The following UTRN variants were observed in gnomAD, a reference collection of about 807,000 sequenced individuals.
UTRN encodes utrophin.
A neutral mutation model predicts 463.9 loss-of-function variants in UTRN; 283 were observed. The observed-to-expected ratio is 0.61, with a 90% CI of 0.55 to 0.67. The LOEUF (loss-of-function observed/expected upper bound fraction) is 0.67. Ranked by LOEUF, UTRN falls within the 30% of genes least tolerant of loss-of-function variation. UTRN has a pLI of 0.00. For missense variants in UTRN, 3,922 were observed against 4,084.3 expected (o/e 0.96, Z 1.08); for synonymous variants, 1,442 against 1,431.5 (o/e 1.01, Z -0.17).
intron 51 of UTRN, among the ~76,000 whole-genome samples, chr6:144,676,098 A>T (rs956695782): frequency 3.3e-5 from 5 of 151,904 alleles, no homozygotes; most frequent in Admixed American, 3.3e-4. Flanking sequence ...TAAATAAATT[A>T]TTGAAATTTC....
intron 51 of UTRN, among the ~76,000 whole-genome samples, chr6:144,606,324 C>T (rs193077223): frequency 2.5e-4 from 38 of 152,272 alleles, no homozygotes; most frequent in Non-Finnish European, 5.9e-5. Context: ...AGAAAGAGAG[C>T]GAGCTAGAGG....
intron 51 of UTRN, among the ~76,000 whole-genome samples, chr6:144,607,799 G>C (rs562316430): frequency 6.6e-6 from 1 of 152,288 alleles, no homozygotes; most frequent in South Asian, 2.1e-4. Flanking sequence ...GAAGGTCAGA[G>C]ATAAACTGGA....
intron 2 of UTRN, among the ~76,000 whole-genome samples, chr6:144,399,860 TG>T (rs1782783897): frequency 6.6e-6 from 1 of 152,208 alleles, no homozygotes; most frequent in Admixed American, 6.5e-5. Context: ...GCAGTTTTGT[TG>T]ATGTGTCTTG....
In UTRN at chr6:144,424,082, G is replaced by C; in HGVS notation, c.405+4G>C. On this transcript the variant is annotated splice_donor_region_variant and intron_variant, in intron 6 of 74. Transcript: ENST00000367545. ...GAGCATCATTTTGCACTGGCAGGTG[G>C]GGAAATTTCCAATCACTTTTTAATA... 1 of 1,612,476 alleles carries C rather than the reference G, an allele frequency of 6.2e-7. No homozygotes were observed. Among genetic ancestry groups the C allele is most frequent in the Non-Finnish European group, 8.5e-7 (1 of 1,179,504 alleles).
At chr6:144,307,022 A>C (rs1221510279) in intron 2 of UTRN, among the ~76,000 whole-genome samples, 1 of 151,816 alleles carries the variant, frequency 6.6e-6, no homozygotes, top group Non-Finnish European at 1.5e-5. Flanking sequence ...TCAATATCAC[A>C]TCACTGCACT....
intron 55 of UTRN, among the ~76,000 whole-genome samples, chr6:144,750,448 T>C (rs904564428): frequency 1.3e-5 from 2 of 152,136 alleles, no homozygotes; most frequent in African/African-American, 4.8e-5. Flanking sequence ...GGTTCGGTAA[T>C]ATTTCTTACT....
chr6:144,425,424 A>G (rs1785211679), intron 6 of UTRN, among the ~76,000 whole-genome samples: 1 of 152,106 alleles, frequency 6.6e-6, no homozygotes, highest in Admixed American at 6.6e-5. Context: ...TCGGGTGGGG[A>G]TATACTTTGA....
chr6:144,402,811 G>A (rs1350858659), intron 2 of UTRN, among the ~76,000 whole-genome samples: 1 of 152,152 alleles, frequency 6.6e-6, no homozygotes, highest in African/African-American at 2.4e-5. Flanking sequence ...GGTACTAGCT[G>A]GAAAGTAGGG....
chr6:144,817,509 T>G (rs1267892337), intron 65 of UTRN, among the ~76,000 whole-genome samples: 1 of 152,006 alleles, frequency 6.6e-6, no homozygotes, highest in African/African-American at 2.4e-5. Context: ...GTTCTCTTTT[T>G]TCTTTCTTTC....
intron 2 of UTRN, among the ~76,000 whole-genome samples, chr6:144,382,424 G>A (rs1304437703): frequency 3.3e-5 from 5 of 152,222 alleles, no homozygotes; most frequent in Admixed American, 2.6e-4. Context: ...CCTGGCTGGA[G>A]TCAAGGAGTC....
At chr6:144,732,269 T>TAC (rs1562832962) in intron 54 of UTRN, among the ~76,000 whole-genome samples, 8 of 89,530 alleles carry the variant, frequency 8.9e-5, no homozygotes, top group African/African-American at 4.5e-4. Flanking sequence ...CACACATATA[T>TAC]ATATATATAC....
At chr6:144,378,595 C>T (rs6904422) in intron 2 of UTRN, among the ~76,000 whole-genome samples, 113,315 of 152,094 alleles carry the variant, frequency 0.75, 42,967 homozygotes, top group African/African-American at 0.89. Context: ...ACCAATATCC[C>T]GAGGCAGGAA....
chr6:144,731,648 G>A (rs945068972), intron 54 of UTRN, among the ~76,000 whole-genome samples: 3 of 152,054 alleles, frequency 2.0e-5, no homozygotes, highest in African/African-American at 7.2e-5. Context: ...TAATCTTTTT[G>A]ACTCTCTGAA....
intron 74 of UTRN, 84 bp from the exon 75 acceptor site, chr6:144,850,905 T>C (rs1782438446): frequency 1.9e-6 from 3 of 1,581,226 alleles, no homozygotes; most frequent in African/African-American, 1.3e-5. Flanking sequence ...AGAAGCACTT[T>C]TATTTTCTTG....
chr6:144,563,516 C>T (rs983037091), intron 50 of UTRN, among the ~76,000 whole-genome samples: 16 of 152,124 alleles, frequency 1.1e-4, no homozygotes, highest in Non-Finnish European at 2.2e-4. Context: ...CTGTCATTCC[C>T]GAATGAATGG....
At chr6:144,454,851 C>T (rs1375688932) in intron 19 of UTRN, among the ~76,000 whole-genome samples, 1 of 152,142 alleles carries the variant, frequency 6.6e-6, no homozygotes, top group Non-Finnish European at 1.5e-5. Flanking sequence ...CATGACTTAG[C>T]TGTGCTGTTT....
At chr6:144,553,122 C>A (rs1799070074) in intron 48 of UTRN, among the ~76,000 whole-genome samples, 1 of 152,182 alleles carries the variant, frequency 6.6e-6, no homozygotes. Context: ...ACTGCAACCT[C>A]TGCCTCCTGG....
At position 144,332,234 on chromosome 6, in the gene UTRN, G is replaced by A. The variant is rs867686619; in HGVS notation, c.79+40327G>A. Among the ~76,000 whole-genome samples, 3 of 152,298 alleles carry A rather than the reference G, an allele frequency of 2.0e-5. No individual in the cohort carries two copies. In the South Asian group the frequency reaches 6.2e-4, roughly 32 times the overall value. On this transcript the variant is annotated intron_variant, in intron 2 of 74. Coordinates refer to ENST00000367545, the MANE Select transcript of UTRN (RefSeq NM_007124.3). ...TTTGTTCACTTGTTTGTTTACTTTA[G>A]TGTTGATAGGTCCCCAAGACTGTGC... is the stretch of plus-strand genomic sequence containing the variant.
chr6:144,349,886 C>T (rs1777960031), intron 2 of UTRN, among the ~76,000 whole-genome samples: 1 of 152,198 alleles, frequency 6.6e-6, no homozygotes, highest in Non-Finnish European at 1.5e-5. Flanking sequence ...GACACAGCGA[C>T]TCCCTCGCTC....
Sources: allele counts gnomAD v4.1 joint callset (sites outside exome capture counted in the v4.1 genomes callset), GRCh38; gene constraint gnomAD v4.1.1; transcripts MANE v1.5; gene names NCBI Gene and HGNC (gene_info 2026-07-23, HGNC 2026-07-21).